PPFIA2: variants seen among roughly 807,000 people sequenced by gnomAD.
PPFIA2 encodes PPFI scaffold protein A2.
Under a neutral mutation model 175.5 loss-of-function variants are expected in PPFIA2, and 46 were observed. The observed-to-expected ratio is 0.26, with a 90% confidence interval of 0.21 to 0.34. PPFIA2 has a LOEUF of 0.34. Among genes scored for constraint, PPFIA2 ranks in the 10% least tolerant of loss-of-function variants. The pLI, the probability that PPFIA2 is intolerant of heterozygous loss-of-function variation, is 1.00. For synonymous variants in PPFIA2, 568 were observed against 511.4 expected (o/e 1.11, Z -1.49); for missense variants, 1,179 against 1,506.1 (o/e 0.78, Z 3.60).
intron 3 of PPFIA2, among the ~76,000 whole-genome samples, chr12:81,716,829 A>G (rs1326309617): frequency 1.3e-5 from 2 of 151,742 alleles, no homozygotes. Context: ...GTGCTCAGAA[A>G]GAGGTGCGAA....
At chr12:81,306,205 C>A (rs1248326817) in intron 22 of PPFIA2, among the ~76,000 whole-genome samples, 1 of 151,978 alleles carries the variant, frequency 6.6e-6, no homozygotes, top group Non-Finnish European at 1.5e-5. Context: ...CTCCAGGCTT[C>A]TTACACTGAC....
rs117357140 is a variant in PPFIA2, at chr12:81,323,486, G to C, written c.2642+2291C>G. ...TTTACTTAAAATTATTTTTCATCCT[G>C]ATAGAAGACTAGCAAACATGAAATC... On this transcript the variant is annotated intron_variant, in intron 22 of 32. Transcript: ENST00000549396. 5.0e-4 allele frequency among the ~76,000 whole-genome samples: 76 copies of C among 151,642 alleles called. 3 individuals are homozygous for C. The South Asian group carries it at 0.015, about 31-fold the overall frequency.
At chr12:81,720,848 GC>G (rs2079222111) in intron 3 of PPFIA2, among the ~76,000 whole-genome samples, 1 of 150,988 alleles carries the variant, frequency 6.6e-6, no homozygotes, top group African/African-American at 2.4e-5. Context: ...GCTTTAGTTA[GC>G]CAGAATCAAC....
intron 4 of PPFIA2, among the ~76,000 whole-genome samples, chr12:81,621,005 A>T (rs1446064968): frequency 6.6e-6 from 1 of 152,224 alleles, no homozygotes; most frequent in African/African-American, 2.4e-5. Flanking sequence ...CGGGAAAAAA[A>T]TTGTCTTCAT....
At chr12:81,351,547 T>C (rs1270973756) in intron 17 of PPFIA2, among the ~76,000 whole-genome samples, 1 of 151,940 alleles carries the variant, frequency 6.6e-6, no homozygotes, top group Non-Finnish European at 1.5e-5. Context: ...GCAGCCCAAC[T>C]TCAAACGCAA....
At chr12:81,521,798 C>T (rs2063177641) in intron 4 of PPFIA2, among the ~76,000 whole-genome samples, 2 of 147,822 alleles carry the variant, frequency 1.4e-5, no homozygotes, top group South Asian at 2.1e-4. Context: ...CCAGCCTGGG[C>T]GACAGAGCAA....
At chr12:81,704,258 T>C (rs1046403677) in intron 3 of PPFIA2, among the ~76,000 whole-genome samples, 3 of 152,286 alleles carry the variant, frequency 2.0e-5, no homozygotes, top group African/African-American at 7.2e-5. Context: ...AGAGTTTCAA[T>C]ATTAAACATA....
At chr12:81,546,174 G>GGT (rs575412386) in intron 4 of PPFIA2, 251 of 151,774 alleles carry the variant, frequency 1.7e-3, no homozygotes, top group African/African-American at 6.0e-3. Flanking sequence ...GTAAAGCTGT[G>GGT]GTGTTTTCCA....
chr12:81,711,459 C>T (rs1318753574), intron 3 of PPFIA2, among the ~76,000 whole-genome samples: 1 of 151,132 alleles, frequency 6.6e-6, no homozygotes, highest in African/African-American at 2.4e-5. Flanking sequence ...TTATAGAATA[C>T]TATCTATCTA....
chr12:81,394,666 C>A (rs899864753), intron 8 of PPFIA2, among the ~76,000 whole-genome samples: 1 of 151,490 alleles, frequency 6.6e-6, no homozygotes, highest in Non-Finnish European at 1.5e-5. Context: ...GTGTTGGGGG[C>A]AAGGGGAGGG....
At chr12:81,575,578 C>T (rs1283031864) in intron 4 of PPFIA2, among the ~76,000 whole-genome samples, 1 of 151,666 alleles carries the variant, frequency 6.6e-6, no homozygotes, top group Non-Finnish European at 1.5e-5. Flanking sequence ...TATATGGGCT[C>T]TGCTCTCTGG....
At chr12:81,724,158 T>C (rs1224714117) in intron 3 of PPFIA2, among the ~76,000 whole-genome samples, 3 of 150,920 alleles carry the variant, frequency 2.0e-5, no homozygotes, top group East Asian at 3.9e-4. Flanking sequence ...GGATATCTTC[T>C]TTTAAAAGGC....
intron 24 of PPFIA2, 116 bp from the exon 25 acceptor site, chr12:81,284,419 C>T (rs907615587): frequency 5.4e-6 from 4 of 736,624 alleles, no homozygotes; most frequent in Non-Finnish European, 9.5e-6. Context: ...AGTGCCCTTG[C>T]CCCTACCGTG....
At chr12:81,668,281 G>A (rs2070743189) in intron 4 of PPFIA2, among the ~76,000 whole-genome samples, 1 of 152,000 alleles carries the variant, frequency 6.6e-6, no homozygotes, top group Non-Finnish European at 1.5e-5. Flanking sequence ...CCCATGGGAA[G>A]CTCATGTACC....
At chr12:81,635,358 T>G (rs1307036436) in intron 4 of PPFIA2, among the ~76,000 whole-genome samples, 1 of 152,198 alleles carries the variant, frequency 6.6e-6, no homozygotes, top group Non-Finnish European at 1.5e-5. Context: ...ATACACACAC[T>G]CACTGTTTCA....
At chr12:81,632,244 A>AT (rs771776801) in intron 4 of PPFIA2, among the ~76,000 whole-genome samples, 10 of 151,878 alleles carry the variant, frequency 6.6e-5, no homozygotes, top group African/African-American at 9.7e-5. Context: ...CTACAGTTGT[A>AT]TTTTTTTTAT....
At chr12:81,453,989 G>A (rs1211412342) in intron 5 of PPFIA2, among the ~76,000 whole-genome samples, 3 of 152,112 alleles carry the variant, frequency 2.0e-5, no homozygotes, top group South Asian at 2.1e-4. Flanking sequence ...AGGTGAAGAC[G>A]GGCCGACTGC....
chr12:81,567,085 C>T (rs1442251064), intron 4 of PPFIA2, among the ~76,000 whole-genome samples: 1 of 152,216 alleles, frequency 6.6e-6, no homozygotes, highest in Non-Finnish European at 1.5e-5. Context: ...GGCGCTCTGT[C>T]GCCCAGGCTA....
At chr12:81,337,394 G>C (rs548220968) in intron 21 of PPFIA2, among the ~76,000 whole-genome samples, 1 of 152,200 alleles carries the variant, frequency 6.6e-6, no homozygotes, top group African/African-American at 2.4e-5. Flanking sequence ...GCTAGTTTCT[G>C]ACTTTGGTGG....
Sources: allele counts gnomAD v4.1 joint callset (sites outside exome capture counted in the v4.1 genomes callset), GRCh38; gene constraint gnomAD v4.1.1; transcripts MANE v1.5; gene names NCBI Gene and HGNC (gene_info 2026-07-23, HGNC 2026-07-21).